Variants in FGF14 observed in about 807,000 individuals in gnomAD.
The protein encoded by FGF14 is fibroblast growth factor 14, also known as fibroblast growth factor homologous factor 4.
Under a neutral mutation model 25.5 loss-of-function variants are expected in FGF14, and 5 were observed. The ratio of observed to expected loss-of-function variants is 0.20; its 90% CI spans 0.10 to 0.41. The LOEUF is 0.41. Ranked by LOEUF, FGF14 falls within the 10% of genes least tolerant of loss-of-function variation. The pLI, the probability that FGF14 is intolerant of heterozygous loss-of-function variation, is 1.00. For missense variants in FGF14, 222 were observed against 320.1 expected (o/e 0.69, Z 2.34); for synonymous variants, 138 against 118.3 (o/e 1.17, Z -1.08).
chr13:102,013,137 G>A (rs542995735), intron 1 of FGF14, among the ~76,000 whole-genome samples: 20 of 152,012 alleles, frequency 1.3e-4, no homozygotes, highest in South Asian at 2.1e-4. Context: ...CCTGGATGAC[G>A]GAGCAGAACC....
In FGF14 at chr13:102,155,546, C is replaced by T. The variant is rs534014656; in HGVS notation, c.208+245925G>A. Among the ~76,000 whole-genome samples the T allele has an allele frequency of 2.8e-3, 425 of 151,984 alleles. 10 individuals carry two copies. Among genetic ancestry groups the T allele is most frequent in the Admixed American group, 0.022 (330 of 15,264 alleles). ...AGGGAAATTTATAGCACTAAATGCC[C>T]ACAAGAGAAAGCAGGAAAGATCTAA... On this transcript the variant is annotated intron_variant, in intron 1 of 4. Transcript: ENST00000376131.
At chr13:101,756,751 A>AAAACAAAC (rs199873606) in intron 3 of FGF14, among the ~76,000 whole-genome samples, 3 of 152,172 alleles carry the variant, frequency 2.0e-5, no homozygotes. Flanking sequence ...AAAAAAACAA[A>AAAACAAAC]AAACAAACAA....
At chr13:101,838,255 T>C (rs1266954844) in intron 3 of FGF14, among the ~76,000 whole-genome samples, 1 of 151,986 alleles carries the variant, frequency 6.6e-6, no homozygotes, top group African/African-American at 2.4e-5. Flanking sequence ...TTCATATATA[T>C]ATATTTTTAA....
At chr13:101,925,426 T>A (rs2139198194) in intron 1 of FGF14, among the ~76,000 whole-genome samples, 1 of 152,266 alleles carries the variant, frequency 6.6e-6, no homozygotes, top group East Asian at 1.9e-4. Context: ...CTCCTGCAGG[T>A]TCTGCAGGCT....
chr13:101,723,969 A>G (rs1020313921), intron 4 of FGF14, among the ~76,000 whole-genome samples: 10 of 152,102 alleles, frequency 6.6e-5, no homozygotes, highest in Non-Finnish European at 5.9e-5. Context: ...TGCATTCCCT[A>G]TGTTCAAGGG....
chr13:101,823,311 T>C (rs1265666407), intron 3 of FGF14, among the ~76,000 whole-genome samples: 1 of 151,012 alleles, frequency 6.6e-6, no homozygotes, highest in Non-Finnish European at 1.5e-5. Flanking sequence ...GTGCTATTAT[T>C]CTACTCTCTC....
intron 3 of FGF14, among the ~76,000 whole-genome samples, chr13:101,740,148 C>T (rs576853623): frequency 2.0e-5 from 3 of 152,254 alleles, no homozygotes; most frequent in East Asian, 1.9e-4. Context: ...ATTTTGCAAT[C>T]GGGGAGCTCA....
intron 3 of FGF14, among the ~76,000 whole-genome samples, chr13:101,820,670 A>G (rs2042069183): frequency 6.6e-6 from 1 of 152,114 alleles, no homozygotes. Context: ...TTCTTAGGCT[A>G]TGATTATACC....
intron 1 of FGF14, among the ~76,000 whole-genome samples, chr13:102,278,504 G>T (rs572303897): frequency 1.3e-5 from 2 of 152,222 alleles, no homozygotes; most frequent in South Asian, 4.2e-4. Context: ...TTGAACATAG[G>T]TTCAAAATGC....
intron 1 of FGF14, among the ~76,000 whole-genome samples, chr13:102,040,235 T>C (rs1354989340): frequency 2.0e-5 from 3 of 152,170 alleles, no homozygotes; most frequent in African/African-American, 7.2e-5. Context: ...TTGAGCTTTT[T>C]ATATTCTCCC....
chr13:101,781,726 A>G (rs1337348647), intron 3 of FGF14, among the ~76,000 whole-genome samples: 1 of 152,224 alleles, frequency 6.6e-6, no homozygotes, highest in Non-Finnish European at 1.5e-5. Flanking sequence ...CAAATTTGAT[A>G]CTTTTGTCTC....
At chr13:102,168,724 T>C (rs2048121730) in intron 1 of FGF14, among the ~76,000 whole-genome samples, 1 of 152,114 alleles carries the variant, frequency 6.6e-6, no homozygotes, top group African/African-American at 2.4e-5. Flanking sequence ...TAATATTTTA[T>C]TGCTGGGGAA....
intron 3 of FGF14, among the ~76,000 whole-genome samples, chr13:101,812,644 TATATATA>T (rs1188987298): frequency 0.018 from 227 of 12,750 alleles, 4 homozygotes; most frequent in East Asian, 0.028. Context: ...TATATATATA[TATATATA>T]TATTTTTTTT....
chr13:102,112,832 A>G (rs911523272), intron 1 of FGF14, among the ~76,000 whole-genome samples: 1 of 152,190 alleles, frequency 6.6e-6, no homozygotes, highest in South Asian at 2.1e-4. Flanking sequence ...TACAGATGAG[A>G]ATATAGTTTC....
chr13:101,734,036 A>ATG (rs891087345), intron 3 of FGF14, among the ~76,000 whole-genome samples: 35 of 150,996 alleles, frequency 2.3e-4, no homozygotes, highest in South Asian at 6.3e-4. Context: ...GTGTGTGTGC[A>ATG]TGTGTGTGTG....
chr13:101,812,627 A>T (rs1594337876), intron 3 of FGF14, among the ~76,000 whole-genome samples: 1 of 7,734 alleles, frequency 1.3e-4, no homozygotes, highest in African/African-American at 3.9e-4. Context: ...ATATATATAT[A>T]TATATATATA....
chr13:101,797,713 C>G (rs1291987908), intron 3 of FGF14, among the ~76,000 whole-genome samples: 1 of 136,914 alleles, frequency 7.3e-6, no homozygotes, highest in Non-Finnish European at 1.6e-5. Flanking sequence ...TAGGCACTAA[C>G]TAAAGAGAAT....
At chr13:102,175,250 A>G (rs941028739) in intron 1 of FGF14, among the ~76,000 whole-genome samples, 1 of 152,164 alleles carries the variant, frequency 6.6e-6, no homozygotes, top group Admixed American at 6.6e-5. Context: ...ATAGACACAT[A>G]GATCAGTGGA....
intron 1 of FGF14, among the ~76,000 whole-genome samples, chr13:102,116,656 G>C (rs1414496092): frequency 6.6e-6 from 1 of 152,122 alleles, no homozygotes; most frequent in East Asian, 1.9e-4. Context: ...AGGGCGCCAG[G>C]AACAGGGGCA....
Sources: allele counts gnomAD v4.1 joint callset (sites outside exome capture counted in the v4.1 genomes callset), GRCh38; gene constraint gnomAD v4.1.1; transcripts MANE v1.5; gene names NCBI Gene and HGNC (gene_info 2026-07-23, HGNC 2026-07-21).